Variants in MCHR2 observed in about 807,000 individuals in gnomAD.
MCHR2 encodes the protein melanin concentrating hormone receptor 2, also known as melanin-concentrating hormone receptor 2.
MCHR2 carries 15 observed loss-of-function variants against 24.8 expected under a neutral mutation model. The observed-to-expected ratio is 0.60, with a 90% CI of 0.40 to 0.93. The LOEUF is 0.93. MCHR2 is among the 40% of genes least tolerant of loss of function. The pLI, the probability that MCHR2 is intolerant of heterozygous loss-of-function variation, is 0.00. For synonymous variants in MCHR2, 151 were observed against 147.6 expected (o/e 1.02, Z -0.17); for missense variants, 386 against 408.7 (o/e 0.94, Z 0.48).
chr6:99,961,932 C>T (rs760330329), intron 1 of MCHR2, among the ~76,000 whole-genome samples: 4 of 152,108 alleles, frequency 2.6e-5, no homozygotes, highest in Non-Finnish European at 5.9e-5. Flanking sequence ...GACAGCCAAA[C>T]TAGCACGAAT....
At chr6:99,922,106 A>ATTT (rs34099388) in intron 5 of MCHR2, among the ~76,000 whole-genome samples, 4 of 125,870 alleles carry the variant, frequency 3.2e-5, no homozygotes, top group Admixed American at 1.6e-4. Context: ...CCATTTGTCC[A>ATTT]TTTTTTTTTT....
Position 99,943,155 on chromosome 6 carries a change from G to A in MCHR2, c.393-12C>T. The A allele has an allele frequency of 6.3e-7, 1 of 1,598,556 alleles. No individual in the cohort carries two copies. The highest frequency in any genetic ancestry group is 8.5e-7 in the Non-Finnish European group (1 of 1,170,846). On this transcript the variant is annotated splice_polypyrimidine_tract_variant and intron_variant, in intron 3 of 5. Coordinates refer to ENST00000281806, the MANE Select transcript of MCHR2 (RefSeq NM_001040179.2). ...CGAGGGCAAAGTACCTGCAAAGGCA[G>A]TCAGGAAGAGTTTTGGAACAATCAA...
chr6:99,984,671 C>T (rs1006439094), intron 1 of MCHR2, among the ~76,000 whole-genome samples: 10 of 152,010 alleles, frequency 6.6e-5, no homozygotes, highest in African/African-American at 2.4e-4. Flanking sequence ...CTAGAAGGAA[C>T]TTATCTCAAA....
intron 1 of MCHR2, among the ~76,000 whole-genome samples, chr6:99,967,446 A>G (rs943404879): frequency 6.6e-6 from 1 of 152,190 alleles, no homozygotes; most frequent in Non-Finnish European, 1.5e-5. Context: ...CTAACAGATG[A>G]TGAGCTTACT....
At chr6:99,975,686 G>A (rs183291848) in intron 1 of MCHR2, among the ~76,000 whole-genome samples, 12 of 152,338 alleles carry the variant, frequency 7.9e-5, no homozygotes, top group Admixed American at 5.9e-4. Flanking sequence ...GCTGTAGACC[G>A]GAGCTGTTCC....
chr6:99,933,373 A>G (rs1404300183), intron 5 of MCHR2, among the ~76,000 whole-genome samples: 1 of 152,166 alleles, frequency 6.6e-6, no homozygotes. Context: ...AGCTGTTGGT[A>G]TCTTTAATAT....
chr6:99,920,731 T>C lies in MCHR2; in HGVS notation c.*209A>G, dbSNP rs142446033. ...GGGTATCTCAGACTATCCCATTCCC[T>C]ACCCACAATATAGATCAACATTTTA... On this transcript the variant is annotated 3_prime_UTR_variant, in exon 6 of 6. Transcript: ENST00000281806. 219 of 556,946 alleles carry C rather than the reference T, an allele frequency of 3.9e-4. No homozygotes were observed. Among genetic ancestry groups the C allele is most frequent in the African/African-American group, 3.8e-3 (201 of 53,294 alleles). The allele number at this position is 556,946 out of a possible 1,614,324, so 34.5% of individuals were successfully genotyped here.
At chr6:99,949,757 G>C (rs2114532250) in intron 2 of MCHR2, among the ~76,000 whole-genome samples, 1 of 152,124 alleles carries the variant, frequency 6.6e-6, no homozygotes, top group Middle Eastern at 3.4e-3. Context: ...TGACCAAGAG[G>C]GAGAGGAGAC....
chr6:99,924,070 G>C (rs1232724237), intron 5 of MCHR2, among the ~76,000 whole-genome samples: 1 of 152,032 alleles, frequency 6.6e-6, no homozygotes, highest in Non-Finnish European at 1.5e-5. Context: ...TTTTAATTAT[G>C]GCTTTGATCT....
chr6:99,947,372 G>C (rs1040351773), intron 3 of MCHR2, among the ~76,000 whole-genome samples: 3 of 151,988 alleles, frequency 2.0e-5, no homozygotes, highest in African/African-American at 7.2e-5. Flanking sequence ...TTTAATTCTT[G>C]GTTCTGCCAC....
At chr6:99,974,438 G>A (rs1325673931) in intron 1 of MCHR2, among the ~76,000 whole-genome samples, 33 of 152,030 alleles carry the variant, frequency 2.2e-4, no homozygotes, top group Admixed American at 2.1e-3. Flanking sequence ...CTCTGCATTG[G>A]TTATTCTAGT....
In MCHR2 at chr6:99,919,462, G is replaced by A. The variant is rs1774181606; in HGVS notation, c.*1478C>T. On this transcript the variant is annotated 3_prime_UTR_variant, in exon 6 of 6. Coordinates refer to ENST00000281806, the MANE Select transcript of MCHR2 (RefSeq NM_001040179.2). ...GGCTGGTTGAAAATTGGTTTCAGAT[G>A]TTTACGGAGAAAACAAATTTAATGT... Among the ~76,000 whole-genome samples the A allele has an allele frequency of 6.6e-6, 1 of 152,144 alleles. No individual in the cohort carries two copies. The highest frequency in any genetic ancestry group is 2.1e-4 in the South Asian group (1 of 4,832).
chr6:99,989,901 C>T (rs1475840362), intron 1 of MCHR2, among the ~76,000 whole-genome samples: 1 of 151,948 alleles, frequency 6.6e-6, no homozygotes, highest in Admixed American at 6.6e-5. Context: ...AATAATCTCC[C>T]TCAAAGAGAG....
rs72940353 is a variant in MCHR2, at chr6:99,992,369, G to C, written c.-28+1567C>G. ...TGGTAGGATAATTGCTGCCTCTTATGCATTTAGCCCACAACTTGGGTTAAA... is the reference window on the plus strand; with the variant it reads ...TGGTAGGATAATTGCTGCCTCTTATCCATTTAGCCCACAACTTGGGTTAAA... On this transcript the variant is annotated intron_variant, in intron 1 of 5. Coordinates refer to ENST00000281806, the MANE Select transcript of MCHR2 (RefSeq NM_001040179.2). Among the ~76,000 whole-genome samples, 368 of 152,284 alleles carry C rather than the reference G, an allele frequency of 2.4e-3. 3 individuals are homozygous for C. The highest frequency in any genetic ancestry group is 8.2e-3 in the African/African-American group (342 of 41,564).
At chr6:99,984,699 T>C (rs918918492) in intron 1 of MCHR2, among the ~76,000 whole-genome samples, 1 of 152,178 alleles carries the variant, frequency 6.6e-6, no homozygotes, top group Middle Eastern at 3.4e-3. Context: ...AGGTTACATA[T>C]GTCAAACCCA....
intron 1 of MCHR2, among the ~76,000 whole-genome samples, chr6:99,969,551 A>G (rs1258340339): frequency 6.6e-6 from 1 of 150,574 alleles, no homozygotes; most frequent in Non-Finnish European, 1.5e-5. Flanking sequence ...TGAGTAAAGC[A>G]TTTTTTCTTT....
chr6:99,934,629 TC>T, intron 4 of MCHR2, 112 bp from the exon 5 acceptor site: 2 of 1,025,180 alleles, frequency 2.0e-6, no homozygotes, highest in Non-Finnish European at 2.6e-6. Flanking sequence ...TTTTTCAGGG[TC>T]CAGGATGAAA....
chr6:99,934,566 C>A (rs773507175), intron 4 of MCHR2, 49 bp from the exon 5 acceptor site: 6 of 1,471,982 alleles, frequency 4.1e-6, no homozygotes, highest in Non-Finnish European at 5.4e-6. Flanking sequence ...AACACCATTA[C>A]ATTAATTGGA....
chr6:99,954,450 C>G (rs1224463125), intron 2 of MCHR2, among the ~76,000 whole-genome samples: 1 of 152,062 alleles, frequency 6.6e-6, no homozygotes, highest in Non-Finnish European at 1.5e-5. Context: ...CATGACCCTA[C>G]AAGTGGAACG....
Sources: allele counts gnomAD v4.1 joint callset (sites outside exome capture counted in the v4.1 genomes callset), GRCh38; gene constraint gnomAD v4.1.1; transcripts MANE v1.5; gene names NCBI Gene and HGNC (gene_info 2026-07-23, HGNC 2026-07-21).